TARS3: variants seen among roughly 807,000 people sequenced by gnomAD.
TARS3 encodes the protein threonyl-tRNA synthetase 3, also known as threonine--tRNA ligase 2, cytoplasmic.
Under a neutral mutation model 103.5 loss-of-function variants are expected in TARS3, and 94 were observed. The observed-to-expected ratio is 0.91, with a 90% CI of 0.77 to 1.08. The LOEUF (loss-of-function observed/expected upper bound fraction) is 1.08. Ranked by LOEUF, TARS3 falls within the 50% of genes least tolerant of loss-of-function variation. The pLI is 0.00. For missense variants in TARS3, 952 were observed against 995.2 expected, an observed-to-expected ratio of 0.96 and a Z score of 0.58; for synonymous variants, 416 against 355.4, an observed-to-expected ratio of 1.17 and a Z score of -1.92.
At chr15:101,686,445 C>T (rs1898478919) in intron 10 of TARS3, among the ~76,000 whole-genome samples, 1 of 152,010 alleles carries the variant, frequency 6.6e-6, no homozygotes, top group South Asian at 2.1e-4. Flanking sequence ...TGCCATGTTG[C>T]ATGTTATAAT....
intron 10 of TARS3, among the ~76,000 whole-genome samples, chr15:101,689,145 A>G (rs1433611972): frequency 6.6e-6 from 1 of 152,152 alleles, no homozygotes; most frequent in Non-Finnish European, 1.5e-5. Context: ...CTTGATCCCA[A>G]TTACTTGGGG....
rs766899780 is a variant in TARS3 at position 101,721,247 on chromosome 15, G to A, written c.445C>T (p.Leu149Phe). The change falls in exon 3 of 19, where the codon CTT becomes TTT. Residue 149 changes from leucine to phenylalanine, a missense_variant. Physicochemically the swap from Leu to Phe is conservative, Grantham distance 22. Around this residue, in one of 2 missense-constraint regions of TARS3, gnomAD observed 412 missense variants for 364.2 expected, o/e 1.13. Coordinates refer to ENST00000335968, the MANE Select transcript of TARS3 (RefSeq NM_152334.3). ...EILKKDHQLL[L>F]AIYGKKGDTS... Reference sequence around the variant, plus strand: ...TCCCCCTTTTTTCCATAAATGGCAAGTAAGAGCTGATGGTCTTTCTTCAGT... The same window carrying A: ...TCCCCCTTTTTTCCATAAATGGCAAATAAGAGCTGATGGTCTTTCTTCAGT... 13 of 1,613,998 alleles carry A rather than the reference G, an allele frequency of 8.1e-6. No homozygotes were observed. The highest frequency in any genetic ancestry group is 1.7e-4 in the Middle Eastern group (1 of 6,060).
At chr15:101,659,021 A>AC (rs1245663251) in intron 16 of TARS3, among the ~76,000 whole-genome samples, 2 of 152,238 alleles carry the variant, frequency 1.3e-5, no homozygotes, top group Admixed American at 1.3e-4. Context: ...TGAACTCCTG[A>AC]CCTCAGGTGA....
chr15:101,667,799 G>C (rs1235641038), intron 15 of TARS3, among the ~76,000 whole-genome samples: 2 of 152,076 alleles, frequency 1.3e-5, no homozygotes, highest in Non-Finnish European at 2.9e-5. Context: ...ATATGGAGTT[G>C]GCCAGGCTGG....
chr15:101,719,205 AT>A (rs1427581864), intron 3 of TARS3, among the ~76,000 whole-genome samples: 2 of 151,878 alleles, frequency 1.3e-5, no homozygotes, highest in East Asian at 3.8e-4. Flanking sequence ...TCCCTGCTAT[AT>A]TTCTCCTCCT....
chr15:101,666,474 C>CAAAAAAAAAAAAAAAAA (rs11450994), intron 15 of TARS3, among the ~76,000 whole-genome samples: 3 of 45,618 alleles, frequency 6.6e-5, no homozygotes, highest in African/African-American at 1.6e-4. Flanking sequence ...AGACTCATCT[C>CAAAAAAAAAAAAAAAAA]AAAAAAAAAA....
Position 101,702,641 on chromosome 15 carries a change from A to G in TARS3, c.1075-256T>C, listed in dbSNP as rs556843668. ...AAAAACTAGCCAGGCACGATGGCAC[A>G]TGCCTGTAATCCCAGCTACTTGGGA... On this transcript the variant is annotated intron_variant, in intron 8 of 18. Transcript: ENST00000335968. Among the ~76,000 whole-genome samples the G allele has an allele frequency of 3.3e-5, 5 of 152,266 alleles. No homozygotes were observed. The East Asian group carries it at 9.7e-4, about 29-fold the overall frequency.
intron 1 of TARS3, 74 bp from the exon 2 acceptor site, chr15:101,723,238 AGCAGGCTGC>A: frequency 7.1e-7 from 1 of 1,406,072 alleles, no homozygotes; most frequent in Non-Finnish European, 1.0e-6. Context: ...GAGTCATGCC[AGCAGGCTGC>A]AAGTGCCCCG....
intron 10 of TARS3, among the ~76,000 whole-genome samples, chr15:101,694,178 C>T (rs1483203289): frequency 6.6e-6 from 1 of 152,156 alleles, no homozygotes; most frequent in Non-Finnish European, 1.5e-5. Context: ...AACAAAAGTT[C>T]ACTTGCCTTT....
At chr15:101,698,408 A>G (rs952843894) in intron 10 of TARS3, among the ~76,000 whole-genome samples, 1 of 152,062 alleles carries the variant, frequency 6.6e-6, no homozygotes, top group Admixed American at 6.6e-5. Context: ...TAAGGCACAT[A>G]TGGGCCATTT....
intron 12 of TARS3, among the ~76,000 whole-genome samples, chr15:101,683,259 C>G (rs988310439): frequency 1.3e-5 from 2 of 152,194 alleles, no homozygotes; most frequent in African/African-American, 4.8e-5. Context: ...CCCTCTACCA[C>G]TTAAATCGCA....
chr15:101,704,012 C>A, intron 7 of TARS3, 75 bp from the exon 8 acceptor site: 1 of 1,097,120 alleles, frequency 9.1e-7, no homozygotes, highest in South Asian at 1.5e-5. Flanking sequence ...CCATAATATC[C>A]TATGTTTTAG....
At chr15:101,701,467 A>G (rs1390724915) in intron 9 of TARS3, among the ~76,000 whole-genome samples, 3 of 152,214 alleles carry the variant, frequency 2.0e-5, no homozygotes, top group Non-Finnish European at 4.4e-5. Context: ...ACAACACGGT[A>G]GAAAGACCAA....
chr15:101,671,427 T>G, intron 15 of TARS3, 59 bp downstream of exon 15: 1 of 1,326,044 alleles, frequency 7.5e-7, no homozygotes, highest in South Asian at 1.3e-5. Flanking sequence ...TTGCTAATAC[T>G]CAAATGACAA....
chr15:101,677,056 G>A (rs1307450906), intron 12 of TARS3, among the ~76,000 whole-genome samples: 1 of 152,164 alleles, frequency 6.6e-6, no homozygotes, highest in Non-Finnish European at 1.5e-5. Flanking sequence ...GAGAACATAT[G>A]GAGTTTGGTT....
At chr15:101,693,866 TC>T (rs1416038947) in intron 10 of TARS3, among the ~76,000 whole-genome samples, 4 of 152,072 alleles carry the variant, frequency 2.6e-5, no homozygotes, top group African/African-American at 9.7e-5. Context: ...AATCAGCCGT[TC>T]CCTGAGGTCA....
chr15:101,662,950 C>G (rs1472666855), intron 15 of TARS3, among the ~76,000 whole-genome samples: 2 of 152,150 alleles, frequency 1.3e-5, no homozygotes, highest in African/African-American at 2.4e-5. Flanking sequence ...AGTGGATTTG[C>G]TTACAATTAT....
At chr15:101,705,379 A>T (rs1360471131) in intron 7 of TARS3, among the ~76,000 whole-genome samples, 2 of 152,212 alleles carry the variant, frequency 1.3e-5, no homozygotes, top group Non-Finnish European at 2.9e-5. Context: ...CCACTGCCAC[A>T]TTAATAAGAA....
chr15:101,691,143 A>G (rs1004062790), intron 10 of TARS3, among the ~76,000 whole-genome samples: 4 of 151,154 alleles, frequency 2.6e-5, no homozygotes, highest in East Asian at 2.0e-4. Flanking sequence ...GTTTCACCGT[A>G]TTAGCCAGGA....
Sources: allele counts gnomAD v4.1 joint callset (sites outside exome capture counted in the v4.1 genomes callset), GRCh38; gene constraint gnomAD v4.1.1; regional missense constraint gnomAD v4.1.1; transcripts MANE v1.5; gene names NCBI Gene and HGNC (gene_info 2026-07-23, HGNC 2026-07-21).